The following VAV2 variants were observed in gnomAD, a reference collection of about 807,000 sequenced individuals.
VAV2 encodes the protein guanine nucleotide exchange factor VAV2.
Under a neutral mutation model 132.5 loss-of-function variants are expected in VAV2, and 67 were observed. That is an observed-to-expected ratio of 0.51 (90% CI 0.42 to 0.62). VAV2 has a LOEUF of 0.62. Among genes scored for constraint, VAV2 ranks in the 20% least tolerant of loss-of-function variants. The pLI is 0.00. For synonymous variants in VAV2, 492 were observed against 443.5 expected, an observed-to-expected ratio of 1.11 and a Z score of -1.37; for missense variants, 938 against 1,153.6, an observed-to-expected ratio of 0.81 and a Z score of 2.71.
At chr9:133,898,207 C>A (rs1331377872) in intron 2 of VAV2, among the ~76,000 whole-genome samples, 2 of 152,122 alleles carry the variant, frequency 1.3e-5, no homozygotes. Context: ...ACAGGTTGAT[C>A]TAGTGTCACC....
chr9:133,806,491 C>T (rs1835150901), intron 8 of VAV2, among the ~76,000 whole-genome samples: 1 of 152,234 alleles, frequency 6.6e-6, no homozygotes, highest in South Asian at 2.1e-4. Flanking sequence ...CAGCGCAGTA[C>T]TCCTGTGCTC....
At chr9:133,931,962 C>T (rs1348715116) in intron 2 of VAV2, among the ~76,000 whole-genome samples, 1 of 152,210 alleles carries the variant, frequency 6.6e-6, no homozygotes, top group Non-Finnish European at 1.5e-5. Context: ...AGTCAGTGCG[C>T]TGCCGGGGTG....
rs577036422 is a variant in VAV2, at chr9:133,763,927, C to T, written c.*135G>A. 27 of 1,070,134 alleles carry T rather than the reference C, an allele frequency of 2.5e-5. No individual in the cohort carries two copies. The Middle Eastern group carries it at 8.4e-4, about 33-fold the overall frequency. The allele number at this position is 1,070,134 out of a possible 1,614,324, so 66.3% of individuals were successfully genotyped here. A position where few individuals can be genotyped will look rare whatever the true frequency, so the allele number is the denominator to read the frequency against. On this transcript the variant is annotated 3_prime_UTR_variant, in exon 30 of 30. Coordinates refer to ENST00000371850, the MANE Select transcript of VAV2 (RefSeq NM_001134398.2). The surrounding 1 kb of genome is among the most constrained non-coding windows in gnomAD (Gnocchi z 6.8). ...GTTCGAGTTTAGGATTCTCAACACC[C>T]TCCCTATCCCTGTGGGCAGTGGAAG...
At chr9:133,941,421 A>G (rs1841152459) in intron 1 of VAV2, among the ~76,000 whole-genome samples, 1 of 151,328 alleles carries the variant, frequency 6.6e-6, no homozygotes, top group African/African-American at 2.4e-5. Flanking sequence ...AAAAAGAAAA[A>G]AAAAAGGTGG....
intron 4 of VAV2, among the ~76,000 whole-genome samples, chr9:133,825,852 A>G (rs560353914): frequency 1.2e-3 from 179 of 152,264 alleles, no homozygotes; most frequent in Middle Eastern, 3.4e-3. Context: ...CTCACTCCCC[A>G]TGTAGAAAGA....
chr9:133,987,027 T>C (rs1588231130), intron 1 of VAV2, among the ~76,000 whole-genome samples: 1 of 148,938 alleles, frequency 6.7e-6, no homozygotes, highest in Admixed American at 6.7e-5. Flanking sequence ...TTATTATTTA[T>C]TTATTATATA....
At chr9:133,923,787 T>C (rs994775510) in intron 2 of VAV2, among the ~76,000 whole-genome samples, 2 of 152,170 alleles carry the variant, frequency 1.3e-5, no homozygotes, top group African/African-American at 4.8e-5. Context: ...GTGGCACATA[T>C]ATACCATGGA....
rs770102361 is a variant in VAV2, at chr9:133,834,634, G to C, written c.381-294C>G. Among the ~76,000 whole-genome samples, 69 of 152,256 alleles carry C rather than the reference G, an allele frequency of 4.5e-4. No individual in the cohort carries two copies. The highest frequency in any genetic ancestry group is 8.7e-4 in the Non-Finnish European group (59 of 68,048). ...AAGACGAGAGGCCCAGGTCAGGGCT[G>C]CAGAAAGCGTTCATCTGCTGGGCGA... is the stretch of plus-strand genomic sequence containing the variant. On this transcript the variant is annotated intron_variant, in intron 3 of 29. Transcript: ENST00000371850. The surrounding 1 kb of genome is among the most constrained non-coding windows in gnomAD (Gnocchi z 5.9).
intron 2 of VAV2, among the ~76,000 whole-genome samples, chr9:133,909,434 G>A (rs1415439876): frequency 6.6e-6 from 1 of 152,212 alleles, no homozygotes; most frequent in Admixed American, 6.5e-5. Flanking sequence ...ATGGATCAGG[G>A]TAGGTCAACT....
rs757868363 is a variant in VAV2 at position 133,823,702 on chromosome 9, C to T, written c.449+10570G>A. Among the ~76,000 whole-genome samples, 8 of 152,130 alleles carry T rather than the reference C, an allele frequency of 5.3e-5. 1 individual carries two copies. Among genetic ancestry groups the T allele is most frequent in the East Asian group, 1.9e-4 (1 of 5,190 alleles). ...TTCCTGGAAAATGGCAAGATGAATG[C>T]GTATGTCTTTAAAGCTGCCCTTCTG... On this transcript the variant is annotated intron_variant, in intron 4 of 29. Transcript: ENST00000371850. This position sits in a 1 kb window ranked among gnomAD's most constrained non-coding sequence, Gnocchi z 5.5.
At position 133,820,564 on chromosome 9, in the gene VAV2, AT is replaced by A. The variant is rs527769287; in HGVS notation, c.450-8349del. ...ATGGTCTCAATCTCCTGACCTCGTG[AT>A]CCGCCCGCCTCGGCCTCCCAAAGTG... On this transcript the variant is annotated intron_variant, in intron 4 of 29. Coordinates refer to ENST00000371850, the MANE Select transcript of VAV2 (RefSeq NM_001134398.2). Among the ~76,000 whole-genome samples, 41 of 152,102 alleles carry A rather than the reference AT, an allele frequency of 2.7e-4. No individual in the cohort carries two copies. The East Asian group carries it at 5.2e-3, about 19-fold the overall frequency.
chr9:133,960,190 C>T (rs187497179), intron 1 of VAV2, among the ~76,000 whole-genome samples: 17 of 152,330 alleles, frequency 1.1e-4, no homozygotes, highest in South Asian at 4.1e-4. Flanking sequence ...GACAGTCCAG[C>T]GGATCCCAGC....
chr9:133,771,645 GT>G (rs1833630795), intron 26 of VAV2, among the ~76,000 whole-genome samples: 1 of 152,230 alleles, frequency 6.6e-6, no homozygotes, highest in Non-Finnish European at 1.5e-5. Flanking sequence ...CTGGGCGTCA[GT>G]TTCTGCTCTC....
chr9:133,913,215 T>C (rs1839942942), intron 2 of VAV2, among the ~76,000 whole-genome samples: 1 of 152,160 alleles, frequency 6.6e-6, no homozygotes, highest in Admixed American at 6.5e-5. Context: ...GAACACCCCC[T>C]GTGCTCCCAA....
chr9:133,878,054 C>T (rs1377133875), intron 2 of VAV2, among the ~76,000 whole-genome samples: 4 of 152,160 alleles, frequency 2.6e-5, no homozygotes, highest in Non-Finnish European at 4.4e-5. Context: ...GGCTGTCTGA[C>T]GGTGAAGGAG....
chr9:133,867,078 C>A (rs1418090373), intron 2 of VAV2, among the ~76,000 whole-genome samples: 1 of 152,170 alleles, frequency 6.6e-6, no homozygotes, highest in Non-Finnish European at 1.5e-5. Context: ...GGAGGACACG[C>A]CCCTGCAGGG....
intron 4 of VAV2, among the ~76,000 whole-genome samples, chr9:133,825,368 G>A (rs554614688): frequency 1.3e-5 from 2 of 152,226 alleles, no homozygotes; most frequent in Admixed American, 6.5e-5. Flanking sequence ...GCTTCATTCC[G>A]GCCTCCTTCA....
intron 27 of VAV2, among the ~76,000 whole-genome samples, chr9:133,770,068 C>T (rs1300839589): frequency 6.6e-6 from 1 of 152,236 alleles, no homozygotes; most frequent in Admixed American, 6.5e-5. Flanking sequence ...CCTTTTCTCT[C>T]CCACCTGTGA....
At chr9:133,951,630 GTTTCCTCA>G (rs1282870427) in intron 1 of VAV2, among the ~76,000 whole-genome samples, 1 of 152,010 alleles carries the variant, frequency 6.6e-6, no homozygotes, top group Non-Finnish European at 1.5e-5. Flanking sequence ...CAGAGCCTCA[GTTTCCTCA>G]CCTGTCAAGC....
Sources: allele counts gnomAD v4.1 joint callset (sites outside exome capture counted in the v4.1 genomes callset), GRCh38; gene constraint gnomAD v4.1.1; non-coding constraint Gnocchi (gnomAD v3.1); transcripts MANE v1.5; gene names NCBI Gene and HGNC (gene_info 2026-07-23, HGNC 2026-07-21).